Variants in LRRC37A observed in about 807,000 individuals in gnomAD.
The protein encoded by LRRC37A is leucine-rich repeat-containing protein 37A.
LRRC37A carries 3 observed loss-of-function variants against 35.4 expected under a neutral mutation model. That is an observed-to-expected ratio of 0.08 (90% CI 0.04 to 0.22). The LOEUF is 0.22. Ranked by LOEUF, LRRC37A falls within the 10% of genes least tolerant of loss-of-function variation. LRRC37A has a pLI of 1.00. For missense variants in LRRC37A, 67 were observed against 565.3 expected (o/e 0.12, Z 8.94); for synonymous variants, 23 against 215.0 (o/e 0.11, Z 7.81).
chr17:46,252,828 C>T, the LRRC37A span, among the ~76,000 whole-genome samples: 4 of 152,270 alleles, frequency 2.6e-5, no homozygotes, highest in South Asian at 2.1e-4. Flanking sequence ...CCACCTTTCC[C>T]CCCTTTCTAC....
At chr17:46,257,931 G>T in the LRRC37A span, among the ~76,000 whole-genome samples, 1 of 149,362 alleles carries the variant, frequency 6.7e-6, no homozygotes, top group African/African-American at 2.4e-5. Context: ...GGGTGGTTCT[G>T]CTCAGTTCTC....
the LRRC37A span, among the ~76,000 whole-genome samples, chr17:46,251,679 C>T: frequency 0.018 from 2,297 of 131,244 alleles, no homozygotes; most frequent in Middle Eastern, 0.064. Flanking sequence ...GATGGTATGA[C>T]GACACTATTG....
chr17:46,322,509 G>C, intron 6 of LRRC37A, 116 bp downstream of exon 6: 1 of 1,027,124 alleles, frequency 9.7e-7, no homozygotes, highest in East Asian at 2.9e-5. Flanking sequence ...TTTTAACTGG[G>C]TTATTGAAAA....
the LRRC37A span, among the ~76,000 whole-genome samples, chr17:46,267,950 G>C: frequency 6.8e-6 from 1 of 146,572 alleles, no homozygotes; most frequent in South Asian, 2.1e-4. Context: ...GCCCAGGCTG[G>C]AGTGCAATGG....
the LRRC37A span, among the ~76,000 whole-genome samples, chr17:46,258,611 CTG>C: frequency 6.6e-6 from 1 of 151,624 alleles, no homozygotes; most frequent in African/African-American, 2.4e-5. Flanking sequence ...GCTAAAGAAA[CTG>C]TGGTATAGAT....
chr17:46,273,203 A>T, the LRRC37A span, among the ~76,000 whole-genome samples: 1 of 152,282 alleles, frequency 6.6e-6, no homozygotes, highest in African/African-American at 2.4e-5. Flanking sequence ...ATAATTTTAT[A>T]ATTCATTAAA....
chr17:46,249,713 C>T, the LRRC37A span, among the ~76,000 whole-genome samples: 1 of 151,870 alleles, frequency 6.6e-6, no homozygotes, highest in African/African-American at 2.4e-5. Flanking sequence ...GGTTTGGGAA[C>T]CTGCAAGAAT....
intron 7 of LRRC37A, among the ~76,000 whole-genome samples, chr17:46,325,643 G>A (rs2051693316): frequency 1.2e-5 from 1 of 81,108 alleles, no homozygotes; most frequent in African/African-American, 3.1e-5. Context: ...TGTGTATACG[G>A]ACCGCATAGT....
At chr17:46,257,395 G>A in the LRRC37A span, among the ~76,000 whole-genome samples, 1 of 149,102 alleles carries the variant, frequency 6.7e-6, no homozygotes, top group African/African-American at 2.5e-5. Flanking sequence ...GGAGGTTGCA[G>A]TGAGCCAAGA....
the LRRC37A span, among the ~76,000 whole-genome samples, chr17:46,281,570 C>T: frequency 4.6e-5 from 7 of 152,156 alleles, no homozygotes; most frequent in Non-Finnish European, 1.0e-4. Flanking sequence ...GCTAGGACTA[C>T]AGGTGCACGC....
At chr17:46,290,913 C>T (rs1166700734), upstream of LRRC37A, among the ~76,000 whole-genome samples, 1 of 152,228 alleles carries the variant, frequency 6.6e-6, no homozygotes, top group Non-Finnish European at 1.5e-5. Context: ...GTTTGCTGTG[C>T]CTCTTTTTCT....
Position 46,314,503 on chromosome 17 carries a change from C to T in LRRC37A, c.2907-7819C>T, listed in dbSNP as rs1371115256. ...CAACAGAGTGAGACTCCAATGGAGA[C>T]GGGGTTTCAGCACGTTTATCCGTTT... On this transcript the variant is annotated intron_variant, in intron 5 of 13. Coordinates refer to ENST00000320254, the Ensembl canonical transcript of LRRC37A. 2.5e-5 allele frequency among the ~76,000 whole-genome samples: 2 copies of T among 80,302 alleles called. 1 individual carries two copies. The highest frequency in any genetic ancestry group is 2.6e-4 in the Admixed American group (2 of 7,750). The allele number at this position is 80,302 out of a possible 152,430, so 52.7% of individuals were successfully genotyped here.
chr17:46,254,492 C>T, the LRRC37A span, among the ~76,000 whole-genome samples: 1 of 152,012 alleles, frequency 6.6e-6, no homozygotes, highest in African/African-American at 2.4e-5. Flanking sequence ...GATCCTCCTA[C>T]CTTAGCCTCC....
the LRRC37A span, among the ~76,000 whole-genome samples, chr17:46,262,843 A>T: frequency 6.6e-6 from 1 of 152,172 alleles, no homozygotes; most frequent in African/African-American, 2.4e-5. Flanking sequence ...TCCTCATTGG[A>T]CAGAGCAAAA....
the LRRC37A span, among the ~76,000 whole-genome samples, chr17:46,272,233 ACAAGCC>A: frequency 1.3e-5 from 2 of 152,270 alleles, no homozygotes; most frequent in Admixed American, 1.3e-4. Context: ...AAATATATTT[ACAAGCC>A]CAAGGCCTGT....
At chr17:46,281,616 G>A in the LRRC37A span, among the ~76,000 whole-genome samples, 1 of 152,162 alleles carries the variant, frequency 6.6e-6, no homozygotes, top group African/African-American at 2.4e-5. Context: ...TTTTTGTAGA[G>A]ACATGGTCTT....
In LRRC37A at chr17:46,325,590, C is replaced by G. The variant is rs562228844; in HGVS notation, c.3053+2563C>G. Reference sequence around the variant, plus strand: ...GTAATGTCTGATGTTTGATTGGATTCTGAATTTTTTAAGCCATGTTATGAT... The same window carrying G: ...GTAATGTCTGATGTTTGATTGGATTGTGAATTTTTTAAGCCATGTTATGAT... On this transcript the variant is annotated intron_variant, in intron 7 of 13. Coordinates refer to ENST00000320254, the Ensembl canonical transcript of LRRC37A. Among the ~76,000 whole-genome samples the G allele has an allele frequency of 1.2e-3, 97 of 81,586 alleles. 24 individuals carry two copies. The highest frequency in any genetic ancestry group is 0.011 in the Middle Eastern group (1 of 88). 53.5% of individuals were successfully genotyped at this position (81,586 alleles called of 152,430 possible). A position where few individuals can be genotyped will look rare whatever the true frequency, so the allele number is the denominator to read the frequency against.
the LRRC37A span, among the ~76,000 whole-genome samples, chr17:46,265,306 CTTCTTCTTCCTCT>C: frequency 2.4e-3 from 264 of 110,796 alleles, 10 homozygotes; most frequent in East Asian, 0.059. Flanking sequence ...TCTTCTTCTT[CTTCTTCTTCCTCT>C]TCTTCTTTTT....
At chr17:46,258,961 G>A in the LRRC37A span, among the ~76,000 whole-genome samples, 13 of 133,874 alleles carry the variant, frequency 9.7e-5, no homozygotes, top group South Asian at 4.9e-4. Context: ...CTCGTGATCC[G>A]CCCACCTCAG....
Sources: gnomAD v4.1 joint callset for allele counts (sites outside exome capture counted in the v4.1 genomes callset) on GRCh38, gnomAD v4.1.1 for gene constraint, MANE v1.5 for transcripts, NCBI Gene and HGNC (gene_info 2026-07-23, HGNC 2026-07-21) for gene names.